The following SGCD variants were observed in gnomAD, a reference collection of about 807,000 sequenced individuals.
SGCD encodes the protein delta-sarcoglycan.
Under a neutral mutation model 36.6 loss-of-function variants are expected in SGCD, and 18 were observed. That is an observed-to-expected ratio of 0.49 (90% CI 0.34 to 0.73). SGCD has a LOEUF of 0.73. SGCD is among the 30% of genes least tolerant of loss of function. SGCD has a pLI of 0.01. For synonymous variants in SGCD, 133 were observed against 130.6 expected, an observed-to-expected ratio of 1.02 and a Z score of -0.12; for missense variants, 387 against 346.7, an observed-to-expected ratio of 1.12 and a Z score of -0.92.
At chr5:155,730,576 C>A in the SGCD span, among the ~76,000 whole-genome samples, 2 of 151,930 alleles carry the variant, frequency 1.3e-5, no homozygotes, top group African/African-American at 2.4e-5. Context: ...GGTTGGTTGG[C>A]TTTGGCAAGA....
intron 3 of SGCD, among the ~76,000 whole-genome samples, chr5:156,129,627 C>T (rs1289620428): frequency 6.6e-6 from 1 of 152,132 alleles, no homozygotes; most frequent in East Asian, 1.9e-4. Flanking sequence ...TTTTCTGCTC[C>T]TCTCCCTCCC....
chr5:156,098,850 C>T (rs141726134), intron 1 of SGCD, among the ~76,000 whole-genome samples: 380 of 152,328 alleles, frequency 2.5e-3, no homozygotes, highest in Non-Finnish European at 3.6e-3. Context: ...GTCTCTCTTG[C>T]CAGCTCTGCC....
chr5:156,125,255 C>G (rs898202588), intron 3 of SGCD, among the ~76,000 whole-genome samples: 2 of 152,164 alleles, frequency 1.3e-5, no homozygotes, highest in Admixed American at 6.5e-5. Context: ...GGCATTGGCT[C>G]TCTTCTTCTG....
chr5:155,734,159 GTTA>G, the SGCD span, among the ~76,000 whole-genome samples: 1,445 of 146,070 alleles, frequency 9.9e-3, 27 homozygotes, highest in African/African-American at 0.034. Context: ...TAATGTTACT[GTTA>G]TTATATTAAT....
At position 156,334,726 on chromosome 5, in the gene SGCD, C is replaced by T. The variant is rs530071408; in HGVS notation, c.3+5147C>T. On this transcript the variant is annotated intron_variant, in intron 2 of 8. Coordinates refer to ENST00000337851, the MANE Select transcript of SGCD (RefSeq NM_000337.6). ...GGTGTTTATGTTTATTATCTGTCTCCCCATCACTACCTCTTTCCACCGCTG... is the reference window on the plus strand; with the variant it reads ...GGTGTTTATGTTTATTATCTGTCTCTCCATCACTACCTCTTTCCACCGCTG... Among the ~76,000 whole-genome samples the T allele has an allele frequency of 8.6e-5, 13 of 150,344 alleles. No homozygotes were observed. In the East Asian group the frequency reaches 2.5e-3, roughly 29 times the overall value.
the SGCD span, among the ~76,000 whole-genome samples, chr5:155,750,256 A>G: frequency 1.3e-5 from 2 of 152,364 alleles, no homozygotes; most frequent in African/African-American, 4.8e-5. Flanking sequence ...TGCTGCAAAT[A>G]GAAAAGATAT....
intron 1 of SGCD, among the ~76,000 whole-genome samples, chr5:155,985,331 G>A (rs1758309778): frequency 6.6e-6 from 1 of 152,086 alleles, no homozygotes; most frequent in South Asian, 2.1e-4. Context: ...GTTATCCAGG[G>A]TGTGCGCTCA....
chr5:156,463,346 T>C (rs1232445585), intron 3 of SGCD, among the ~76,000 whole-genome samples: 1 of 152,118 alleles, frequency 6.6e-6, no homozygotes, highest in African/African-American at 2.4e-5. Context: ...CCAGCCTTAA[T>C]GGCAGTTTTT....
At chr5:156,444,064 TTCTCTCTC>T (rs535098783) in intron 3 of SGCD, among the ~76,000 whole-genome samples, 1,796 of 34,436 alleles carry the variant, frequency 0.052, 24 homozygotes, top group Non-Finnish European at 0.077. Flanking sequence ...CTTTCTCTCC[TTCTCTCTC>T]TCTCTCTCTC....
chr5:156,327,874 A>G (rs1241978621), intron 1 of SGCD, among the ~76,000 whole-genome samples: 1 of 152,208 alleles, frequency 6.6e-6, no homozygotes, highest in Admixed American at 6.5e-5. Context: ...CTGTTTCTAT[A>G]ATCATTTCCA....
At chr5:155,832,265 C>T in the SGCD span, among the ~76,000 whole-genome samples, 1 of 152,164 alleles carries the variant, frequency 6.6e-6, no homozygotes, top group African/African-American at 2.4e-5. Context: ...GGAATCTAGA[C>T]TGGATGACCT....
chr5:156,456,495 A>G (rs1754267857), intron 3 of SGCD, among the ~76,000 whole-genome samples: 1 of 152,208 alleles, frequency 6.6e-6, no homozygotes, highest in Non-Finnish European at 1.5e-5. Flanking sequence ...TGCTGTTGGG[A>G]GGAAAGTAAA....
chr5:156,071,999 C>G (rs1205235158), intron 1 of SGCD, among the ~76,000 whole-genome samples: 3 of 152,138 alleles, frequency 2.0e-5, no homozygotes, highest in African/African-American at 7.2e-5. Context: ...CTTCCTCCAT[C>G]CTTTTATTTT....
chr5:155,837,338 A>G, the SGCD span, among the ~76,000 whole-genome samples: 4 of 151,870 alleles, frequency 2.6e-5, no homozygotes, highest in Admixed American at 2.6e-4. Flanking sequence ...TTGTATTTTT[A>G]GTAGAGATGG....
chr5:155,949,680 G>A (rs1757514353), intron 1 of SGCD, among the ~76,000 whole-genome samples: 1 of 152,160 alleles, frequency 6.6e-6, no homozygotes, highest in African/African-American at 2.4e-5. Context: ...GTGTCCATCA[G>A]TGCAGTTTTA....
chr5:156,044,844 G>GCACA (rs141981583), intron 1 of SGCD, among the ~76,000 whole-genome samples: 2 of 151,718 alleles, frequency 1.3e-5, no homozygotes, highest in Non-Finnish European at 2.9e-5. Flanking sequence ...CTTTCCAGGT[G>GCACA]CACACACACA....
chr5:156,591,927 A>C (rs1043338408), intron 5 of SGCD, among the ~76,000 whole-genome samples: 9 of 152,174 alleles, frequency 5.9e-5, no homozygotes, highest in African/African-American at 2.2e-4. Context: ...GTTTTGGCTA[A>C]AACTACCAAT....
At chr5:156,086,616 A>C (rs192767225) in intron 1 of SGCD, among the ~76,000 whole-genome samples, 1 of 152,340 alleles carries the variant, frequency 6.6e-6, no homozygotes, top group East Asian at 1.9e-4. Context: ...AATTAACTGC[A>C]GTCTTCAGAT....
In SGCD at chr5:156,656,488, A is replaced by C. The variant is rs1035563225; in HGVS notation, c.575+8952A>C. Among the ~76,000 whole-genome samples the C allele has an allele frequency of 2.4e-4, 36 of 152,146 alleles. 2 individuals carry two copies. Among genetic ancestry groups the C allele is most frequent in the Non-Finnish European group, 3.2e-4 (22 of 67,990 alleles). ...CCAACAAATAGGTCTTATAATTCAA[A>C]AGGAATGGTTCTCTGGGGCCATTTA... On this transcript the variant is annotated intron_variant, in intron 7 of 8. Coordinates refer to ENST00000337851, the MANE Select transcript of SGCD (RefSeq NM_000337.6).
Sources: gnomAD v4.1 joint callset for allele counts (sites outside exome capture counted in the v4.1 genomes callset) on GRCh38, gnomAD v4.1.1 for gene constraint, MANE v1.5 for transcripts, NCBI Gene and HGNC (gene_info 2026-07-23, HGNC 2026-07-21) for gene names.